CWC27: variants seen among roughly 807,000 people sequenced by gnomAD.
The protein encoded by CWC27 is CWC27 spliceosome associated cyclophilin.
Under a neutral mutation model 63.6 loss-of-function variants are expected in CWC27, and 47 were observed. The ratio of observed to expected loss-of-function variants is 0.74; its 90% CI spans 0.58 to 0.94. The LOEUF is 0.94. Among genes scored for constraint, CWC27 ranks in the 40% least tolerant of loss-of-function variants. CWC27 has a pLI of 0.00. For missense variants in CWC27, 495 were observed against 554.3 expected (o/e 0.89, Z 1.07); for synonymous variants, 175 against 179.8 (o/e 0.97, Z 0.22).
At chr5:64,844,373 A>G (rs957552741) in intron 10 of CWC27, among the ~76,000 whole-genome samples, 2 of 152,170 alleles carry the variant, frequency 1.3e-5, no homozygotes, top group African/African-American at 4.8e-5. Flanking sequence ...AGCCAACCTC[A>G]TAGTTGACCC....
At chr5:64,868,955 TC>T (rs2112322138) in intron 10 of CWC27, among the ~76,000 whole-genome samples, 1 of 152,114 alleles carries the variant, frequency 6.6e-6, no homozygotes, top group Admixed American at 6.6e-5. Flanking sequence ...AAAAATAACA[TC>T]CCTTTAGAAT....
At chr5:64,864,386 A>G (rs758285427) in intron 10 of CWC27, among the ~76,000 whole-genome samples, 2 of 152,190 alleles carry the variant, frequency 1.3e-5, no homozygotes, top group Non-Finnish European at 2.9e-5. Flanking sequence ...ATAAGATAAG[A>G]TCTTTCCAGG....
At chr5:64,933,564 C>T (rs1036112558) in intron 11 of CWC27, among the ~76,000 whole-genome samples, 1 of 150,148 alleles carries the variant, frequency 6.7e-6, no homozygotes, top group African/African-American at 2.5e-5. Context: ...GCGATCTCGG[C>T]TCGCTGCAAC....
intron 11 of CWC27, among the ~76,000 whole-genome samples, chr5:64,938,983 G>A (rs191343034): frequency 3.3e-5 from 5 of 152,104 alleles, no homozygotes; most frequent in African/African-American, 4.8e-5. Context: ...TCTCTACACT[G>A]TTTATTCTAG....
chr5:64,943,750 C>T (rs1486062507), intron 11 of CWC27, among the ~76,000 whole-genome samples: 1 of 152,144 alleles, frequency 6.6e-6, no homozygotes, highest in East Asian at 1.9e-4. Context: ...AGCATCACAT[C>T]TTCATAGAAA....
chr5:64,975,093 A>G (rs1312960283), intron 12 of CWC27, among the ~76,000 whole-genome samples: 1 of 152,238 alleles, frequency 6.6e-6, no homozygotes, highest in Non-Finnish European at 1.5e-5. Flanking sequence ...TTCAGTAGCT[A>G]TGATAATGTG....
intron 10 of CWC27, among the ~76,000 whole-genome samples, chr5:64,878,211 C>G (rs1746843430): frequency 6.6e-6 from 1 of 151,704 alleles, no homozygotes; most frequent in Admixed American, 6.6e-5. Flanking sequence ...CCAAGACCCC[C>G]ACCCAAATAC....
chr5:64,829,431 A>G (rs1053632931), intron 10 of CWC27, among the ~76,000 whole-genome samples: 1 of 152,056 alleles, frequency 6.6e-6, no homozygotes, highest in African/African-American at 2.4e-5. Flanking sequence ...ATCTGTTAGA[A>G]CTCTACTAGT....
chr5:64,902,207 A>G (rs555682760), intron 11 of CWC27, among the ~76,000 whole-genome samples: 1 of 152,356 alleles, frequency 6.6e-6, no homozygotes, highest in African/African-American at 2.4e-5. Flanking sequence ...TACTTTTATA[A>G]AACTGGCAGT....
intron 11 of CWC27, among the ~76,000 whole-genome samples, chr5:64,952,745 T>C (rs912480853): frequency 2.6e-5 from 4 of 152,138 alleles, no homozygotes; most frequent in African/African-American, 9.6e-5. Context: ...CAGTGGATAC[T>C]AGACACTCTA....
Position 64,939,511 on chromosome 5 carries a change from G to A in CWC27, c.1043-32192G>A, listed in dbSNP as rs569688342. Among the ~76,000 whole-genome samples, 9 of 152,164 alleles carry A rather than the reference G, an allele frequency of 5.9e-5. No homozygotes were observed. The South Asian group carries it at 8.3e-4, about 14-fold the overall frequency. ...GAAGCTTCATCCCAGAGGGGAACCCGCCAGATGCCAGCTGGAGCTCTCCTG... is the reference window on the plus strand; with the variant it reads ...GAAGCTTCATCCCAGAGGGGAACCCACCAGATGCCAGCTGGAGCTCTCCTG... On this transcript the variant is annotated intron_variant, in intron 11 of 13. Coordinates refer to ENST00000381070, the MANE Select transcript of CWC27 (RefSeq NM_005869.4).
chr5:65,012,526 C>G (rs1406037548), intron 13 of CWC27, among the ~76,000 whole-genome samples: 2 of 152,216 alleles, frequency 1.3e-5, no homozygotes, highest in Non-Finnish European at 2.9e-5. Flanking sequence ...AGATTGTTTA[C>G]TTCATGGAAG....
At chr5:64,954,388 A>G (rs1748765278) in intron 11 of CWC27, among the ~76,000 whole-genome samples, 2 of 152,238 alleles carry the variant, frequency 1.3e-5, no homozygotes, top group South Asian at 4.1e-4. Context: ...TCCTGGGCTC[A>G]GGCGATCCTC....
At chr5:64,828,655 C>T (rs993371445) in intron 10 of CWC27, among the ~76,000 whole-genome samples, 2 of 151,898 alleles carry the variant, frequency 1.3e-5, no homozygotes, top group Admixed American at 1.3e-4. Context: ...GAGAATAGTA[C>T]CCAGTTTCCT....
At chr5:64,996,086 T>C (rs1749626381) in intron 13 of CWC27, among the ~76,000 whole-genome samples, 1 of 152,170 alleles carries the variant, frequency 6.6e-6, no homozygotes, top group Admixed American at 6.5e-5. Flanking sequence ...CATTTTCTGG[T>C]ATGGGCATAT....
chr5:64,889,326 G>A (rs551571867), intron 11 of CWC27, among the ~76,000 whole-genome samples: 4 of 152,250 alleles, frequency 2.6e-5, no homozygotes, highest in Admixed American at 6.5e-5. Context: ...CTATGGTCAC[G>A]GAAGGCCTTA....
At chr5:64,981,153 T>C (rs1263266535) in intron 13 of CWC27, among the ~76,000 whole-genome samples, 1 of 152,064 alleles carries the variant, frequency 6.6e-6, no homozygotes, top group Admixed American at 6.6e-5. Flanking sequence ...TCAAAAAAGG[T>C]AAATGAGAAT....
chr5:64,970,375 G>T (rs370268291), intron 11 of CWC27, among the ~76,000 whole-genome samples: 1 of 152,000 alleles, frequency 6.6e-6, no homozygotes, highest in Admixed American at 6.6e-5. Context: ...ACCACGCCCG[G>T]CTAATTTTTT....
intron 1 of CWC27, among the ~76,000 whole-genome samples, chr5:64,773,294 A>G (rs188970034): frequency 2.6e-5 from 4 of 152,366 alleles, no homozygotes; most frequent in Non-Finnish European, 4.4e-5. Flanking sequence ...CTAGATGTGT[A>G]GAACTGAAAG....
Sources: allele counts gnomAD v4.1 joint callset (sites outside exome capture counted in the v4.1 genomes callset), GRCh38; gene constraint gnomAD v4.1.1; transcripts MANE v1.5; gene names NCBI Gene and HGNC (gene_info 2026-07-23, HGNC 2026-07-21).